Variants in NAV1 observed in about 807,000 individuals in gnomAD.
The protein encoded by NAV1 is pore membrane and/or filament interacting like protein 3.
In NAV1, 18 loss-of-function variants were observed where a neutral mutation model predicts 175.2. The observed-to-expected ratio is 0.10, with a 90% CI of 0.07 to 0.15. The LOEUF (loss-of-function observed/expected upper bound fraction) is 0.15, where lower values mean the gene tolerates loss of function less well. NAV1 is among the 10% of genes least tolerant of loss of function. The pLI, the probability that NAV1 is intolerant of heterozygous loss-of-function variation, is 1.00. For missense variants in NAV1, 1,731 were observed against 2,436.6 expected (o/e 0.71, Z 6.10); for synonymous variants, 897 against 978.7 (o/e 0.92, Z 1.56).
chr1:201,617,865 G>C (rs961259729), intron 2 of NAV1, among the ~76,000 whole-genome samples: 1 of 152,164 alleles, frequency 6.6e-6, no homozygotes. Context: ...TATTCAATCT[G>C]CTCAGACAGA....
At chr1:201,642,862 C>T (rs892959119) in intron 2 of NAV1, among the ~76,000 whole-genome samples, 8 of 151,700 alleles carry the variant, frequency 5.3e-5, no homozygotes, top group Non-Finnish European at 7.4e-5. Context: ...CTCCACCTCC[C>T]GGATTCACGC....
chr1:201,711,289 G>T (rs894655363), intron 1 of NAV1, among the ~76,000 whole-genome samples: 1 of 152,216 alleles, frequency 6.6e-6, no homozygotes, highest in African/African-American at 2.4e-5. Flanking sequence ...CCTGGGAGGG[G>T]AAAGGAGGGA....
At chr1:201,756,144 G>A in intron 3 of NAV1, among the ~76,000 whole-genome samples, 1 of 148,558 alleles carries the variant, frequency 6.7e-6, no homozygotes, top group Non-Finnish European at 1.5e-5. Flanking sequence ...AGGGTGGGCA[G>A]AATAGATCCA....
intron 1 of NAV1, among the ~76,000 whole-genome samples, chr1:201,689,171 C>T (rs1469451892): frequency 6.6e-6 from 1 of 152,198 alleles, no homozygotes; most frequent in Non-Finnish European, 1.5e-5. Flanking sequence ...ATAATTTAGT[C>T]ATATTGAAGG....
At chr1:201,608,072 G>A (rs1667740095) in intron 2 of NAV1, among the ~76,000 whole-genome samples, 1 of 152,020 alleles carries the variant, frequency 6.6e-6, no homozygotes, top group Non-Finnish European at 1.5e-5. Flanking sequence ...TAAGTAATAA[G>A]AACTACCCTT....
At chr1:201,636,527 G>T (rs1668622665) in intron 2 of NAV1, among the ~76,000 whole-genome samples, 1 of 152,202 alleles carries the variant, frequency 6.6e-6, no homozygotes, top group Non-Finnish European at 1.5e-5. Flanking sequence ...TGGGTGGTGG[G>T]AGTCCCAGGC....
intron 1 of NAV1, among the ~76,000 whole-genome samples, chr1:201,653,507 A>T (rs1669285885): frequency 6.7e-6 from 1 of 149,306 alleles, no homozygotes; most frequent in East Asian, 2.0e-4. Context: ...TTTGGGGGGG[A>T]GGGGCAGTGC....
At chr1:201,720,104 A>T (rs1227578227) in intron 3 of NAV1, among the ~76,000 whole-genome samples, 1 of 152,226 alleles carries the variant, frequency 6.6e-6, no homozygotes, top group Non-Finnish European at 1.5e-5. Flanking sequence ...GAGAAAAGCC[A>T]TGCAGTGCAC....
At chr1:201,570,308 C>T (rs559137920) in intron 1 of NAV1, among the ~76,000 whole-genome samples, 5 of 152,282 alleles carry the variant, frequency 3.3e-5, no homozygotes, top group South Asian at 2.1e-4. Context: ...TCCTTACAGC[C>T]GTCAGGAGAA....
intron 1 of NAV1, among the ~76,000 whole-genome samples, chr1:201,677,713 C>T (rs1174897591): frequency 6.6e-6 from 1 of 152,150 alleles, no homozygotes; most frequent in Non-Finnish European, 1.5e-5. Context: ...CTGCAACCTT[C>T]GCCTCCCAGG....
intron 2 of NAV1, among the ~76,000 whole-genome samples, chr1:201,631,327 GAA>G (rs1217408584): frequency 6.6e-6 from 1 of 152,174 alleles, no homozygotes; most frequent in East Asian, 1.9e-4. Flanking sequence ...AGAAAACAGA[GAA>G]GAGAGGAAGA....
Position 201,782,291 on chromosome 1 carries a change from C to T in NAV1, c.1779C>T (p.Pro593=). Residue 593 remains proline (P), a synonymous_variant, in exon 6 of 30, where the codon CCC becomes CCT. Transcript: ENST00000367296. This position sits in a 1 kb window ranked among gnomAD's most constrained non-coding sequence, Gnocchi z 5.4. ...GCCTGAGTGATGCTAAGAAGCCCCC[C>T]TCGGGCATTGCTCGCCCCTCCACTT... is the stretch of plus-strand genomic sequence containing the variant. 1.2e-6 allele frequency: 2 copies of T among 1,614,224 alleles called. No homozygotes were observed. Among genetic ancestry groups the T allele is most frequent in the Non-Finnish European group, 1.7e-6 (2 of 1,180,042 alleles).
intron 1 of NAV1, among the ~76,000 whole-genome samples, chr1:201,710,881 T>C (rs71635555): frequency 3.4e-4 from 51 of 152,180 alleles, no homozygotes; most frequent in Non-Finnish European, 5.6e-4. Flanking sequence ...ACCTTCCTCT[T>C]TGGGAATACA....
At chr1:201,734,680 G>A (rs1203416253) in intron 3 of NAV1, among the ~76,000 whole-genome samples, 1 of 151,964 alleles carries the variant, frequency 6.6e-6, no homozygotes, top group East Asian at 1.9e-4. Context: ...GGCCTCTCGA[G>A]GTGGAGGGTT....
At chr1:201,820,184 T>G in exon 30 of NAV1, 1 of 400,636 alleles carries the variant, frequency 2.5e-6, no homozygotes, top group Non-Finnish European at 4.5e-6. Flanking sequence ...TCTAATGACT[T>G]TGGGGAAAAG....
chr1:201,556,675 C>T (rs919319047), intron 1 of NAV1, among the ~76,000 whole-genome samples: 9 of 152,164 alleles, frequency 5.9e-5, no homozygotes, highest in Admixed American at 2.6e-4. Context: ...TGTCCTAGCC[C>T]CAACCTTAGT....
At chr1:201,780,958 C>T in intron 4 of NAV1, 54 bp from the exon 9 acceptor site, 4 of 1,523,480 alleles carry the variant, frequency 2.6e-6, no homozygotes, top group Non-Finnish European at 3.5e-6. Flanking sequence ...GTCAGCTATC[C>T]AGTCTCCCAT....
intron 1 of NAV1, among the ~76,000 whole-genome samples, chr1:201,664,275 A>G (rs1397210425): frequency 1.3e-5 from 2 of 152,100 alleles, no homozygotes; most frequent in East Asian, 3.9e-4. Flanking sequence ...CCAGGAGGTG[A>G]AGGTTGCAGT....
At chr1:201,581,156 T>C (rs933540556) in intron 1 of NAV1, among the ~76,000 whole-genome samples, 1 of 152,180 alleles carries the variant, frequency 6.6e-6, no homozygotes, top group Non-Finnish European at 1.5e-5. Context: ...TTCTGAGCAG[T>C]CATCCTGGGA....
Sources: allele counts gnomAD v4.1 joint callset (sites outside exome capture counted in the v4.1 genomes callset), GRCh38; gene constraint gnomAD v4.1.1; non-coding constraint Gnocchi (gnomAD v3.1); transcripts MANE v1.5; gene names NCBI Gene and HGNC (gene_info 2026-07-23, HGNC 2026-07-21).